Variants in GRINA observed in about 807,000 individuals in gnomAD.
The protein encoded by GRINA is protein lifeguard 1.
In GRINA, 26 loss-of-function variants were observed where a neutral mutation model predicts 42.5. The ratio of observed to expected loss-of-function variants is 0.61; its 90% CI spans 0.45 to 0.85. The LOEUF is 0.85. Ranked by LOEUF, GRINA falls within the 40% of genes least tolerant of loss-of-function variation. The pLI is 0.00. For missense variants in GRINA, 475 were observed against 481.5 expected (o/e 0.99, Z 0.13); for synonymous variants, 256 against 204.2 (o/e 1.25, Z -2.17).
At position 143,991,413 on chromosome 8, in the gene GRINA, T is replaced by C. The variant is rs1587467209; in HGVS notation, c.190T>C (p.Tyr64His). ...AGGGTACCCCCATGGCCCCAGCCCC[T>C]ACCCCCAAGGGGGCTACCCACAGGG... is the stretch of plus-strand genomic sequence containing the variant. ...QPGYPHGPSPYPQGGYPQGPY... is the reference protein window; with the variant it reads ...QPGYPHGPSPHPQGGYPQGPY... Residue 64 changes from tyrosine (Y) to histidine (H), a missense_variant, in exon 2 of 7, where the codon TAC becomes CAC. Tyr to His is a moderately conservative substitution (Grantham distance 83). Around this residue, in one of 2 missense-constraint regions of GRINA, gnomAD observed 321 missense variants for 267.2 expected, o/e 1.20. Coordinates refer to ENST00000395068, the MANE Select transcript of GRINA (RefSeq NM_001009184.2). 1 of 1,223,184 alleles carries C rather than the reference T, an allele frequency of 8.2e-7. No individual in the cohort carries two copies. Among genetic ancestry groups the C allele is most frequent in the Admixed American group, 3.2e-5 (1 of 31,578 alleles). The allele number at this position is 1,223,184 out of a possible 1,614,324, so 75.8% of individuals were successfully genotyped here.
Position 143,992,303 on chromosome 8 carries a change from C to A in GRINA, c.752C>A (p.Thr251Asn). The A allele has an allele frequency of 6.3e-7, 1 of 1,589,440 alleles. No homozygotes were observed. The highest frequency in any genetic ancestry group is 8.6e-7 in the Non-Finnish European group (1 of 1,165,976). Residue 251 changes from threonine (T) to asparagine (N), a missense_variant, in exon 5 of 7, where the codon ACC (threonine) becomes AAC (asparagine). Transcript: ENST00000395068. ...GGGATGATCGCCAGCTTCTACAACACCGAGGCAGTCATCATGGCCGTGGGC... is the reference window on the plus strand; with the variant it reads ...GGGATGATCGCCAGCTTCTACAACAACGAGGCAGTCATCATGGCCGTGGGC... ...MVGMIASFYN[T>N]EAVIMAVGIT...
Position 143,992,265 on chromosome 8 carries a change from G to C in GRINA, c.714G>C (p.Leu238=). 6.2e-7 allele frequency: 1 copy of C among 1,600,704 alleles called. No homozygotes were observed. The highest frequency in any genetic ancestry group is 8.5e-7 in the Non-Finnish European group (1 of 1,172,166). The change falls in exon 5 of 7, where the codon CTG becomes CTC. Residue 238 remains leucine (L), a synonymous_variant. Coordinates refer to ENST00000395068, the MANE Select transcript of GRINA (RefSeq NM_001009184.2). The part of the protein sequence containing the change: ...LVALSVLTAS[L]SYMVGMIASF... ...TGCAGTCGGTCCTGACCGCCAGCCTGTCGTACATGGTGGGGATGATCGCCA... is the reference window on the plus strand; with the variant it reads ...TGCAGTCGGTCCTGACCGCCAGCCTCTCGTACATGGTGGGGATGATCGCCA...
Position 143,992,341 on chromosome 8 carries a change from G to A in GRINA, c.790G>A (p.Val264Ile), listed in dbSNP as rs782756132. The change falls in exon 5 of 7, where the codon GTC becomes ATC. Residue 264 changes from valine (V) to isoleucine (I), a missense_variant. Coordinates refer to ENST00000395068, the MANE Select transcript of GRINA (RefSeq NM_001009184.2). Reference sequence around the variant, plus strand: ...CATGGCCGTGGGCATCACCACAGCCGTCTGCTTCACCGTCGTCATCTTCTC... The same window carrying A: ...CATGGCCGTGGGCATCACCACAGCCATCTGCTTCACCGTCGTCATCTTCTC... ...VIMAVGITTA[V>I]CFTVVIFSMQ... is the part of the protein sequence containing the mutation. 5.7e-6 allele frequency: 9 copies of A among 1,591,852 alleles called. No individual in the cohort carries two copies. The highest frequency in any genetic ancestry group is 2.3e-5 in the South Asian group (2 of 88,152).
At position 143,992,708 on chromosome 8, in the gene GRINA, C is replaced by T; in HGVS notation, c.983C>T (p.Thr328Ile). Residue 328 changes from threonine (T) to isoleucine (I), a missense_variant, in exon 7 of 7, where the codon ACC (threonine) becomes ATC (isoleucine). Around this residue, in one of 2 missense-constraint regions of GRINA, gnomAD observed 154 missense variants for 214.2 expected, o/e 0.72. Coordinates refer to ENST00000395068, the MANE Select transcript of GRINA (RefSeq NM_001009184.2). ...CACCTCCAGTTCCTCGCAGTGGACA[C>T]CCAGCTGCTACTGGGGAACAAGCAG... ...LLFTCFLAVD[T>I]QLLLGNKQLS... 1 of 1,613,940 alleles carries T rather than the reference C, an allele frequency of 6.2e-7. No individual in the cohort carries two copies. The highest frequency in any genetic ancestry group is 8.5e-7 in the Non-Finnish European group (1 of 1,179,928).
rs558257354 is a variant in GRINA, at chr8:143,992,937, T to C, written c.*96T>C. ...CCAGCTGTACTTCCCCTCTCTCTTG[T>C]CCCCAGGCACAGCCTAGGGAAAAGG... On this transcript the variant is annotated 3_prime_UTR_variant, in exon 7 of 7. Transcript: ENST00000395068. 9.6e-7 allele frequency: 1 copy of C among 1,045,470 alleles called. No homozygotes were observed. Among genetic ancestry groups the C allele is most frequent in the Admixed American group, 2.2e-5 (1 of 44,728 alleles). 64.8% of individuals were successfully genotyped at this position (1,045,470 alleles called of 1,614,324 possible). A position where few individuals can be genotyped will look rare whatever the true frequency, so the allele number is the denominator to read the frequency against.
chr8:143,992,741 T>C lies in GRINA; in HGVS notation c.1016T>C (p.Leu339Pro). The C allele has an allele frequency of 6.2e-7, 1 of 1,614,004 alleles. No individual in the cohort carries two copies. Among genetic ancestry groups the C allele is most frequent in the Non-Finnish European group, 8.5e-7 (1 of 1,179,916 alleles). Residue 339 changes from leucine to proline, a missense_variant, in exon 7 of 7, where the codon CTG becomes CCG. Leu to Pro is a moderately conservative substitution (Grantham distance 98). Transcript: ENST00000395068. ...CTACTGGGGAACAAGCAGCTGTCCCTGAGCCCAGAAGAGTATGTGTTTGCT... is the reference window on the plus strand; with the variant it reads ...CTACTGGGGAACAAGCAGCTGTCCCCGAGCCCAGAAGAGTATGTGTTTGCT... ...QLLLGNKQLSLSPEEYVFAAL... is the reference protein window; with the variant it reads ...QLLLGNKQLSPSPEEYVFAAL...
chr8:143,991,394 C>T lies in GRINA; in HGVS notation c.171C>T (p.Tyr57=). The change falls in exon 2 of 7, where the codon TAC becomes TAT. Residue 57 remains tyrosine (Y), a synonymous_variant. Transcript: ENST00000395068. The part of the protein sequence containing the change: ...FQPSPYGQPG[Y]PHGPSPYPQG... ...CCTCCCCCTACGGTCAGCCAGGGTA[C>T]CCCCATGGCCCCAGCCCCTACCCCC... The T allele has an allele frequency of 8.6e-7, 1 of 1,158,088 alleles. No homozygotes were observed. Among genetic ancestry groups the T allele is most frequent in the Non-Finnish European group, 1.2e-6 (1 of 829,622 alleles). The allele number at this position is 1,158,088 out of a possible 1,614,324, so 71.7% of individuals were successfully genotyped here. A position where few individuals can be genotyped will look rare whatever the true frequency, so the allele number is the denominator to read the frequency against.
Position 143,992,937 on chromosome 8 carries a change from T to TC in GRINA, c.*100dup. The TC allele has an allele frequency of 9.6e-7, 1 of 1,045,476 alleles. No individual in the cohort carries two copies. The highest frequency in any genetic ancestry group is 1.4e-6 in the Non-Finnish European group (1 of 710,768). 64.8% of individuals were successfully genotyped at this position (1,045,476 alleles called of 1,614,324 possible). Reference sequence around the variant, plus strand: ...CCAGCTGTACTTCCCCTCTCTCTTGTCCCCAGGCACAGCCTAGGGAAAAGG... The same window carrying TC: ...CCAGCTGTACTTCCCCTCTCTCTTGTCCCCCAGGCACAGCCTAGGGAAAAGG... On this transcript the variant is annotated 3_prime_UTR_variant, in exon 7 of 7. Coordinates refer to ENST00000395068, the MANE Select transcript of GRINA (RefSeq NM_001009184.2).
rs983717286 is a variant in GRINA at position 143,992,512 on chromosome 8, G to T, written c.870G>T (p.Met290Ile). Reference sequence around the variant, plus strand: ...GCATGGGCGTGCTCCTGGTGAGCATGGTGGTGCTCTTCATCTTCGCCATTC... The same window carrying T: ...GCATGGGCGTGCTCCTGGTGAGCATTGTGGTGCTCTTCATCTTCGCCATTC... ...TSCMGVLLVS[M>I]VVLFIFAILC... The change falls in exon 6 of 7, where the codon ATG (methionine) becomes ATT (isoleucine). Residue 290 changes from methionine to isoleucine, a missense_variant. By Grantham distance (10) the Met-to-Ile change is conservative. This residue lies in a region of GRINA where 154 missense variants were observed against 214.2 expected (regional missense o/e 0.72). Coordinates refer to ENST00000395068, the MANE Select transcript of GRINA (RefSeq NM_001009184.2). 1 of 1,614,160 alleles carries T rather than the reference G, an allele frequency of 6.2e-7. No individual in the cohort carries two copies. The highest frequency in any genetic ancestry group is 8.5e-7 in the Non-Finnish European group (1 of 1,180,014).
Position 143,991,703 on chromosome 8 carries a change from G to A in GRINA, c.391G>A (p.Gly131Arg), listed in dbSNP as rs1269245340. 1.2e-6 allele frequency: 2 copies of A among 1,612,668 alleles called. No individual in the cohort carries two copies. Among genetic ancestry groups the A allele is most frequent in the African/African-American group, 2.7e-5 (2 of 74,876 alleles). ...PGQDPDSPQH[G>R]NYQEEGPPSY... ...TGTCTGCTTCTCAGCACCCCAGCAT[G>A]GAAACTACCAGGAGGAGGGTCCCCC... The change falls in exon 3 of 7, where the codon GGA (glycine) becomes AGA (arginine). Residue 131 changes from glycine (G) to arginine (R), a missense_variant. Around this residue, in one of 2 missense-constraint regions of GRINA, gnomAD observed 321 missense variants for 267.2 expected, o/e 1.20. Coordinates refer to ENST00000395068, the MANE Select transcript of GRINA (RefSeq NM_001009184.2).
chr8:143,991,040 T>C (rs1277589543), intron 1 of GRINA, 160 bp from the exon 2 acceptor site: 2 of 459,344 alleles, frequency 4.4e-6, no homozygotes, highest in Non-Finnish European at 7.7e-6. Flanking sequence ...CACGCGCTTC[T>C]CCGGGCCCAG....
In GRINA at chr8:143,992,515, G is replaced by A; in HGVS notation, c.873G>A (p.Val291=). The A allele has an allele frequency of 6.2e-6, 10 of 1,614,146 alleles. No individual in the cohort carries two copies. The highest frequency in any genetic ancestry group is 8.5e-6 in the Non-Finnish European group (10 of 1,180,012). The change falls in exon 6 of 7, where the codon GTG becomes GTA. Residue 291 remains valine (V), a synonymous_variant. Transcript: ENST00000395068. ...SCMGVLLVSM[V]VLFIFAILCI... is the part of the protein sequence containing the mutation. ...TGGGCGTGCTCCTGGTGAGCATGGT[G>A]GTGCTCTTCATCTTCGCCATTCTCT...
Position 143,991,547 on chromosome 8 carries a change from C to T in GRINA, c.324C>T (p.Pro108=). The change falls in exon 2 of 7, where the codon CCC becomes CCT. Residue 108 remains proline (P), a synonymous_variant. Transcript: ENST00000395068. ...CCCAGGGGCCATATCCCCAGAGCCCCTTCCCCCCCAACCCCTATGGACAGC... is the reference window on the plus strand; with the variant it reads ...CCCAGGGGCCATATCCCCAGAGCCCTTTCCCCCCCAACCCCTATGGACAGC... ...GYPQGPYPQS[P]FPPNPYGQPQ... is the part of the protein sequence containing the mutation. 2 of 1,569,440 alleles carry T rather than the reference C, an allele frequency of 1.3e-6. No individual in the cohort carries two copies. Among genetic ancestry groups the T allele is most frequent in the South Asian group, 2.2e-5 (2 of 88,996 alleles).
At position 143,990,742 on chromosome 8, in the gene GRINA, C is replaced by G. The variant is rs1472835842; in HGVS notation, c.-24-458C>G. On this transcript the variant is annotated intron_variant, in intron 1 of 6. Transcript: ENST00000395068. The surrounding 1 kb of genome is among the most constrained non-coding windows in gnomAD (Gnocchi z 5.6). ...TGGTCACAGATGGCCCGGGGATTTCCTGGGATAGAAATAGCCGCCGGCTCC... is the reference window on the plus strand; with the variant it reads ...TGGTCACAGATGGCCCGGGGATTTCGTGGGATAGAAATAGCCGCCGGCTCC... 1 of 152,234 alleles carries G rather than the reference C, an allele frequency of 6.6e-6. No homozygotes were observed. The highest frequency in any genetic ancestry group is 1.9e-4 in the East Asian group (1 of 5,178). 9.4% of individuals were successfully genotyped at this position (152,234 alleles called of 1,614,324 possible). A position where few individuals can be genotyped will look rare whatever the true frequency, so the allele number is the denominator to read the frequency against.
chr8:143,991,527 G>A lies in GRINA; in HGVS notation c.304G>A (p.Gly102Arg). The change falls in exon 2 of 7, where the codon GGG becomes AGG. Residue 102 changes from glycine (G) to arginine (R), a missense_variant. Coordinates refer to ENST00000395068, the MANE Select transcript of GRINA (RefSeq NM_001009184.2). ...CTACCCCCAAGGGGGCTACCCCCAG[G>A]GGCCATATCCCCAGAGCCCCTTCCC... ...GPYPQGGYPQ[G>R]PYPQSPFPPN... The A allele has an allele frequency of 6.5e-7, 1 of 1,549,114 alleles. No individual in the cohort carries two copies.
Position 143,992,941 on chromosome 8 carries a change from C to T in GRINA, c.*100C>T, listed in dbSNP as rs782532452. The T allele has an allele frequency of 9.5e-5, 93 of 981,254 alleles. No individual in the cohort carries two copies. The highest frequency in any genetic ancestry group is 1.2e-4 in the Non-Finnish European group (77 of 656,118). 60.8% of individuals were successfully genotyped at this position (981,254 alleles called of 1,614,324 possible). A position where few individuals can be genotyped will look rare whatever the true frequency, so the allele number is the denominator to read the frequency against. On this transcript the variant is annotated 3_prime_UTR_variant, in exon 7 of 7. Coordinates refer to ENST00000395068, the MANE Select transcript of GRINA (RefSeq NM_001009184.2). ...CTGTACTTCCCCTCTCTCTTGTCCCCAGGCACAGCCTAGGGAAAAGGATGC... is the reference window on the plus strand; with the variant it reads ...CTGTACTTCCCCTCTCTCTTGTCCCTAGGCACAGCCTAGGGAAAAGGATGC...
chr8:143,992,157 G>A (rs781865845), intron 4 of GRINA, 79 bp downstream of exon 4: 2 of 1,602,628 alleles, frequency 1.2e-6, no homozygotes, highest in Admixed American at 1.7e-5. Context: ...CCTGGTCACC[G>A]TGGTTCTCCT....
chr8:143,993,108 T>G lies in GRINA; in HGVS notation c.*267T>G. The G allele has an allele frequency of 2.2e-6, 1 of 446,458 alleles. No individual in the cohort carries two copies. The highest frequency in any genetic ancestry group is 4.3e-5 in the East Asian group (1 of 23,526). 27.7% of individuals were successfully genotyped at this position (446,458 alleles called of 1,614,324 possible). ...CGTGCCACCTCCTGTCTACTCATTG[T>G]TGCATGAGCCCTGTCTGCCAGCCCA... On this transcript the variant is annotated 3_prime_UTR_variant, in exon 7 of 7. Coordinates refer to ENST00000395068, the MANE Select transcript of GRINA (RefSeq NM_001009184.2).
Position 143,992,473 on chromosome 8 carries a change from C to T in GRINA, c.831C>T (p.Tyr277=), listed in dbSNP as rs200336766. ...TVVIFSMQTR[Y]DFTSCMGVLL... ...TCCTCTCCCACCTGCAGACCCGCTA[C>T]GACTTCACCTCATGCATGGGCGTGC... The change falls in exon 6 of 7, where the codon TAC becomes TAT. Residue 277 remains tyrosine (Y), a synonymous_variant. Transcript: ENST00000395068. The T allele has an allele frequency of 2.4e-5, 39 of 1,614,156 alleles. No individual in the cohort carries two copies. Among genetic ancestry groups the T allele is most frequent in the East Asian group, 1.3e-4 (6 of 44,894 alleles).
Sources: gnomAD v4.1 joint callset for allele counts on GRCh38, gnomAD v4.1.1 for gene constraint, gnomAD v4.1.1 regional missense constraint, Gnocchi (gnomAD v3.1) non-coding constraint, MANE v1.5 for transcripts, NCBI Gene and HGNC (gene_info 2026-07-23, HGNC 2026-07-21) for gene names.